The following CCDC149 variants were observed in gnomAD, a reference collection of about 807,000 sequenced individuals.
CCDC149 encodes coiled-coil domain containing 149.
A neutral mutation model predicts 59.9 loss-of-function variants in CCDC149; 45 were observed. The observed-to-expected ratio is 0.75, with a 90% confidence interval of 0.59 to 0.96. The LOEUF is 0.96. Among genes scored for constraint, CCDC149 ranks in the 40% least tolerant of loss-of-function variants. The pLI is 0.00. For missense variants in CCDC149, 584 were observed against 664.7 expected (o/e 0.88, Z 1.33); for synonymous variants, 245 against 260.6 (o/e 0.94, Z 0.58).
At chr4:24,966,002 A>C (rs993026396) in intron 1 of CCDC149, among the ~76,000 whole-genome samples, 1 of 152,204 alleles carries the variant, frequency 6.6e-6, no homozygotes, top group African/African-American at 2.4e-5. Context: ...TTACAGCCAG[A>C]GAGAGAGTAA....
upstream of CCDC149, among the ~76,000 whole-genome samples, chr4:24,915,683 G>A (rs969647160): frequency 8.5e-5 from 13 of 152,120 alleles, no homozygotes; most frequent in Admixed American, 5.2e-4. Flanking sequence ...CTTTCAACTC[G>A]GTTGAAACAG....
chr4:24,978,851 G>A (rs1452046575), intron 1 of CCDC149, among the ~76,000 whole-genome samples: 1 of 152,212 alleles, frequency 6.6e-6, no homozygotes, highest in African/African-American at 2.4e-5. Context: ...AAGTCTGCTG[G>A]CTTCTCTGAC....
chr4:24,882,864 T>A (rs1379086420), intron 1 of CCDC149, among the ~76,000 whole-genome samples: 1 of 152,234 alleles, frequency 6.6e-6, no homozygotes, highest in African/African-American at 2.4e-5. Flanking sequence ...CGATGATGAA[T>A]GTGTGACTAA....
rs561270630 is a variant in CCDC149, at chr4:24,865,810, C to T, written c.264+7871G>A. Among the ~76,000 whole-genome samples the T allele has an allele frequency of 5.9e-5, 9 of 152,248 alleles. No individual in the cohort carries two copies. In the South Asian group the frequency reaches 1.5e-3, roughly 25 times the overall value. On this transcript the variant is annotated intron_variant, in intron 3 of 12. Transcript: ENST00000635206. Reference sequence around the variant, plus strand: ...AGCCTAAATTTCCTCATCTATAAATCGGGGGGTGCTTCCACCTTCCTTACA... The same window carrying T: ...AGCCTAAATTTCCTCATCTATAAATTGGGGGGTGCTTCCACCTTCCTTACA...
chr4:24,864,072 G>A (rs905090933), intron 3 of CCDC149, among the ~76,000 whole-genome samples: 3 of 152,220 alleles, frequency 2.0e-5, no homozygotes, highest in African/African-American at 2.4e-5. Flanking sequence ...TCATGGGACC[G>A]ATTATCTATT....
At chr4:24,818,679 C>T (rs1460263794) in intron 12 of CCDC149, among the ~76,000 whole-genome samples, 2 of 152,118 alleles carry the variant, frequency 1.3e-5, no homozygotes, top group African/African-American at 4.8e-5. Flanking sequence ...GGCCTCAGCT[C>T]CACACCACAT....
At chr4:24,885,603 A>C (rs1720121908) in intron 1 of CCDC149, among the ~76,000 whole-genome samples, 1 of 152,160 alleles carries the variant, frequency 6.6e-6, no homozygotes, top group South Asian at 2.1e-4. Flanking sequence ...GGCTGCCCAA[A>C]CACACTCCAA....
chr4:24,829,403 A>AGGGGAAAAAGCACAGAAGATG (rs1240469972), intron 9 of CCDC149: 4 of 151,800 alleles, frequency 2.6e-5, no homozygotes, highest in African/African-American at 9.7e-5. Context: ...TCTCCCAGGT[A>AGGGGAAAAAGCACAGAAGATG]GGGGAAAAAG....
intron 10 of CCDC149, among the ~76,000 whole-genome samples, chr4:24,821,913 G>GTAAAATTCA (rs1715426985): frequency 6.6e-6 from 1 of 152,274 alleles, no homozygotes; most frequent in East Asian, 1.9e-4. Context: ...CAGATTCTCA[G>GTAAAATTCA]GCTAAGTAAA....
Position 24,912,875 on chromosome 4 carries a change from T to C in CCDC149, c.5A>G (p.Glu2Gly). 1.5e-6 allele frequency: 2 copies of C among 1,359,200 alleles called. No individual in the cohort carries two copies. Among genetic ancestry groups the C allele is most frequent in the South Asian group, 1.5e-5 (1 of 67,792 alleles). 84.2% of individuals were successfully genotyped at this position (1,359,200 alleles called of 1,614,324 possible). A position where few individuals can be genotyped will look rare whatever the true frequency, so the allele number is the denominator to read the frequency against. Residue 2 changes from glutamate to glycine, a missense_variant, in exon 1 of 13, where the codon GAG (glutamate) becomes GGG (glycine). By Grantham distance (98) the Glu-to-Gly change is moderately conservative. Transcript: ENST00000635206. ...CCGGTCGCCGTTCATGGCCTCCTCC[T>C]CCATGCGCTGGCCGGCCTCCTGGAC...
chr4:24,931,162 T>C, intron 1 of CCDC149, among the ~76,000 whole-genome samples: 2 of 151,234 alleles, frequency 1.3e-5, no homozygotes, highest in South Asian at 4.2e-4. Flanking sequence ...TGTTCCACCA[T>C]GATCATCATA....
At chr4:24,967,437 C>G (rs532500000) in intron 1 of CCDC149, among the ~76,000 whole-genome samples, 14 of 152,248 alleles carry the variant, frequency 9.2e-5, no homozygotes, top group African/African-American at 3.1e-4. Context: ...GTAACACCCC[C>G]TTCGCATGCA....
intron 1 of CCDC149, among the ~76,000 whole-genome samples, chr4:24,909,478 G>A (rs746841659): frequency 2.6e-5 from 4 of 152,166 alleles, no homozygotes; most frequent in Non-Finnish European, 4.4e-5. Context: ...ACTGGGCAGG[G>A]GAATTACCTG....
chr4:24,904,580 G>A (rs574885495), intron 1 of CCDC149, among the ~76,000 whole-genome samples: 62 of 152,336 alleles, frequency 4.1e-4, no homozygotes, highest in African/African-American at 1.5e-3. Context: ...GTTTAGTTAA[G>A]TGTGTGTTTG....
intron 4 of CCDC149, among the ~76,000 whole-genome samples, chr4:24,845,137 A>G (rs1717203677): frequency 6.6e-6 from 1 of 152,204 alleles, no homozygotes; most frequent in Non-Finnish European, 1.5e-5. Flanking sequence ...AATGTGCTCT[A>G]TGTCAAGTGC....
chr4:24,835,113 C>T (rs1449195363), intron 7 of CCDC149, 81 bp from the exon 8 acceptor site: 24 of 923,394 alleles, frequency 2.6e-5, no homozygotes, highest in East Asian at 9.9e-5. Flanking sequence ...CTTCTCTCAT[C>T]GGCCCACAAG....
chr4:24,871,777 G>A (rs763584457), intron 3 of CCDC149, among the ~76,000 whole-genome samples: 1 of 152,170 alleles, frequency 6.6e-6, no homozygotes, highest in Non-Finnish European at 1.5e-5. Context: ...CAATGTTTAT[G>A]TCATTGAACT....
chr4:24,953,465 G>A (rs540238675), intron 1 of CCDC149, among the ~76,000 whole-genome samples: 38 of 152,166 alleles, frequency 2.5e-4, no homozygotes, highest in Non-Finnish European at 5.0e-4. Context: ...AGCAAAATTA[G>A]AAAGTGACTG....
intron 1 of CCDC149, among the ~76,000 whole-genome samples, chr4:24,979,241 G>A (rs1272766303): frequency 6.6e-6 from 1 of 152,184 alleles, no homozygotes; most frequent in Non-Finnish European, 1.5e-5. Flanking sequence ...GGTCAATCTT[G>A]GGGTGTTAAC....
Sources: allele counts gnomAD v4.1 joint callset (sites outside exome capture counted in the v4.1 genomes callset), GRCh38; gene constraint gnomAD v4.1.1; transcripts MANE v1.5; gene names NCBI Gene and HGNC (gene_info 2026-07-23, HGNC 2026-07-21).